The following NCOR2 variants were observed in gnomAD, a reference collection of about 807,000 sequenced individuals.
NCOR2 encodes CTG repeat protein 26.
Under a neutral mutation model 262.9 loss-of-function variants are expected in NCOR2, and 81 were observed. The observed-to-expected ratio is 0.31, with a 90% CI of 0.26 to 0.37. The LOEUF (loss-of-function observed/expected upper bound fraction) is 0.37, where lower values mean the gene tolerates loss of function less well. NCOR2 is among the 10% of genes least tolerant of loss of function. The pLI is 1.00. For synonymous variants in NCOR2, 1,659 were observed against 1,559.3 expected (o/e 1.06, Z -1.51); for missense variants, 3,385 against 3,621.4 (o/e 0.93, Z 1.68).
chr12:124,349,537 G>T (rs959093293), intron 28 of NCOR2, among the ~76,000 whole-genome samples: 2 of 152,152 alleles, frequency 1.3e-5, no homozygotes, highest in African/African-American at 2.4e-5. Context: ...GGCCGCAGGG[G>T]AGTGGACGGC....
chr12:124,449,831 G>A (rs2045409630), exon 7 of NCOR2: 2 of 1,614,110 alleles, frequency 1.2e-6, no homozygotes, highest in Non-Finnish European at 8.5e-7. Context: ...ATGTTCTCAT[G>A]ATACTGCCGG....
Position 124,483,356 on chromosome 12 carries a change from C to T in NCOR2, c.411+240G>A, listed in dbSNP as rs2047601740. Among the ~76,000 whole-genome samples, 1 of 152,178 alleles carries T rather than the reference C, an allele frequency of 6.6e-6. No homozygotes were observed. Among genetic ancestry groups the T allele is most frequent in the East Asian group, 1.9e-4 (1 of 5,190 alleles). On this transcript the variant is annotated intron_variant, in intron 3 of 46. Coordinates refer to ENST00000405201, the Ensembl canonical transcript of NCOR2. The surrounding 1 kb of genome is among the most constrained non-coding windows in gnomAD (Gnocchi z 6.3). Reference sequence around the variant, plus strand: ...CTATTCCTGCCCCAGGGCCTTTGCACTTGCTGCTCTGCCCACCTGGAACAC... The same window carrying T: ...CTATTCCTGCCCCAGGGCCTTTGCATTTGCTGCTCTGCCCACCTGGAACAC...
intron 17 of NCOR2, among the ~76,000 whole-genome samples, chr12:124,382,119 C>T (rs914761502): frequency 1.3e-5 from 2 of 152,176 alleles, no homozygotes; most frequent in Non-Finnish European, 2.9e-5. Context: ...GCTGATACTG[C>T]GTTAGGATTC....
chr12:124,522,764 T>A (rs150908531), intron 1 of NCOR2, among the ~76,000 whole-genome samples: 2 of 152,312 alleles, frequency 1.3e-5, no homozygotes, highest in East Asian at 1.9e-4. Context: ...TCCAGAAAAC[T>A]GGCTGGAAGC....
intron 5 of NCOR2, among the ~76,000 whole-genome samples, chr12:124,465,874 C>G (rs1794944): frequency 0.17 from 26,110 of 152,212 alleles, 2,327 homozygotes; most frequent in East Asian, 0.22. Context: ...CCTTGGCCAT[C>G]AGCTGGACCC....
In NCOR2 at chr12:124,559,052, C is replaced by G. The variant is rs554710736; in HGVS notation, c.-165+8256G>C. ...TCCGGACCCCAGAAAAGACTGACCC[C>G]CAGGAGCCACCCGGCCTGCAGGCAC... On this transcript the variant is annotated intron_variant, in intron 1 of 32. Coordinates refer to the NCOR2 transcript ENST00000458234. Among the ~76,000 whole-genome samples, 3 of 152,170 alleles carry G rather than the reference C, an allele frequency of 2.0e-5. No individual in the cohort carries two copies. In the East Asian group the frequency reaches 5.8e-4, roughly 29 times the overall value.
intron 27 of NCOR2, among the ~76,000 whole-genome samples, chr12:124,352,412 TGC>T (rs2037567379): frequency 7.0e-6 from 1 of 143,076 alleles, no homozygotes; most frequent in African/African-American, 2.6e-5. Context: ...CTTGCTGTAT[TGC>T]CCAGGCTGGA....
chr12:124,509,897 C>T (rs550433985), intron 1 of NCOR2, among the ~76,000 whole-genome samples: 1 of 152,284 alleles, frequency 6.6e-6, no homozygotes, highest in South Asian at 2.1e-4. Flanking sequence ...CCTGAGCCTC[C>T]GGACCTCGGT....
intron 17 of NCOR2, among the ~76,000 whole-genome samples, chr12:124,383,750 G>A (rs1201954615): frequency 6.6e-6 from 1 of 152,234 alleles, no homozygotes; most frequent in Admixed American, 6.5e-5. Flanking sequence ...CCTTACAGAT[G>A]GGGAAACTGA....
At chr12:124,557,271 A>G (rs923724272) in intron 1 of NCOR2, among the ~76,000 whole-genome samples, 2 of 152,230 alleles carry the variant, frequency 1.3e-5, no homozygotes, top group Non-Finnish European at 2.9e-5. Flanking sequence ...CGGGGACTTA[A>G]AACAACCCAC....
intron 13 of NCOR2, among the ~76,000 whole-genome samples, chr12:124,411,983 C>T (rs917068734): frequency 6.6e-6 from 1 of 152,226 alleles, no homozygotes; most frequent in African/African-American, 2.4e-5. Context: ...CGTGTCAGAA[C>T]ACAGAGAAGC....
intron 34 of NCOR2, 93 bp downstream of exon 36, chr12:124,341,730 A>G (rs1389750476): frequency 1.3e-6 from 2 of 1,508,938 alleles, no homozygotes; most frequent in African/African-American, 2.7e-5. Flanking sequence ...CAAGGTGACC[A>G]GGTCTAGCTG....
At chr12:124,456,524 TC>T (rs1161574863) in intron 6 of NCOR2, among the ~76,000 whole-genome samples, 2 of 152,184 alleles carry the variant, frequency 1.3e-5, no homozygotes, top group African/African-American at 4.8e-5. Context: ...ATCATCATCA[TC>T]ATCATCATAG....
At chr12:124,446,483 G>A (rs1490037663) in intron 7 of NCOR2, among the ~76,000 whole-genome samples, 1 of 151,858 alleles carries the variant, frequency 6.6e-6, no homozygotes, top group Non-Finnish European at 1.5e-5. Flanking sequence ...ACCTCCTTGG[G>A]CCATGCCAGC....
chr12:124,498,957 G>C (rs1455511228), upstream of NCOR2, among the ~76,000 whole-genome samples: 1 of 152,252 alleles, frequency 6.6e-6, no homozygotes, highest in Non-Finnish European at 1.5e-5. Flanking sequence ...GCAGAAAGGA[G>C]ACTGGTGGCT....
At chr12:124,346,486 G>T (rs2036943359) in intron 31 of NCOR2, 78 bp downstream of exon 33, 2 of 1,372,468 alleles carry the variant, frequency 1.5e-6, no homozygotes, top group South Asian at 3.3e-5. Flanking sequence ...TCCCCATGTG[G>T]AGAGGCCCAG....
intron 1 of NCOR2, among the ~76,000 whole-genome samples, chr12:124,528,612 G>C (rs1306266709): frequency 6.6e-6 from 1 of 152,214 alleles, no homozygotes; most frequent in East Asian, 1.9e-4. Context: ...AAAGGACAGT[G>C]CTTGATCCGG....
chr12:124,405,474 A>C (rs2042225394), intron 13 of NCOR2, among the ~76,000 whole-genome samples: 1 of 152,142 alleles, frequency 6.6e-6, no homozygotes, highest in Non-Finnish European at 1.5e-5. Context: ...CAGGCTCCTC[A>C]CTTCCTGTGG....
At chr12:124,382,110 C>CT (rs2040455297) in intron 17 of NCOR2, among the ~76,000 whole-genome samples, 1 of 152,232 alleles carries the variant, frequency 6.6e-6, no homozygotes. Context: ...CCAGAGGTGG[C>CT]TGATACTGCG....
Sources: allele counts gnomAD v4.1 joint callset (sites outside exome capture counted in the v4.1 genomes callset), GRCh38; gene constraint gnomAD v4.1.1; non-coding constraint Gnocchi (gnomAD v3.1); transcripts MANE v1.5; gene names NCBI Gene and HGNC (gene_info 2026-07-23, HGNC 2026-07-21).